Variants in MAF observed in about 807,000 individuals in gnomAD.
The protein encoded by MAF is transcription factor Maf.
MAF carries 10 observed loss-of-function variants against 22.0 expected under a neutral mutation model. The ratio of observed to expected loss-of-function variants is 0.45; its 90% CI spans 0.28 to 0.77. The LOEUF is 0.77. MAF is among the 30% of genes least tolerant of loss of function. The pLI, the probability that MAF is intolerant of heterozygous loss-of-function variation, is 0.12. For synonymous variants in MAF, 337 were observed against 255.8 expected, an observed-to-expected ratio of 1.32 and a Z score of -3.03; for missense variants, 544 against 548.4, an observed-to-expected ratio of 0.99 and a Z score of 0.08.
the MAF span, among the ~76,000 whole-genome samples, chr16:79,515,577 T>C: frequency 6.6e-6 from 1 of 152,340 alleles, no homozygotes; most frequent in Admixed American, 6.5e-5. Context: ...GTGAATTAAA[T>C]GCATTTTTGA....
At chr16:79,285,461 A>T in the MAF span, among the ~76,000 whole-genome samples, 2 of 152,034 alleles carry the variant, frequency 1.3e-5, no homozygotes, top group African/African-American at 4.8e-5. Flanking sequence ...AGTTTTTCCG[A>T]AAATTTGGTC....
At chr16:79,540,077 T>C in the MAF span, among the ~76,000 whole-genome samples, 3 of 151,928 alleles carry the variant, frequency 2.0e-5, no homozygotes, top group South Asian at 4.2e-4. Flanking sequence ...AGGGGAAGAA[T>C]TGAGACTGCA....
chr16:79,491,017 T>C, the MAF span, among the ~76,000 whole-genome samples: 2 of 151,864 alleles, frequency 1.3e-5, no homozygotes, highest in Admixed American at 1.3e-4. Context: ...TCAGAGAAAA[T>C]GGTGATGAGA....
At chr16:79,557,829 T>A in the MAF span, among the ~76,000 whole-genome samples, 1 of 151,966 alleles carries the variant, frequency 6.6e-6, no homozygotes, top group Non-Finnish European at 1.5e-5. Flanking sequence ...TGCATCCCAA[T>A]AAGTTGAGCA....
chr16:79,492,542 T>G, the MAF span, among the ~76,000 whole-genome samples: 2 of 151,764 alleles, frequency 1.3e-5, no homozygotes. Context: ...CCAACAGAAA[T>G]GCATAGATAA....
At chr16:79,527,432 C>T in the MAF span, among the ~76,000 whole-genome samples, 1 of 152,242 alleles carries the variant, frequency 6.6e-6, no homozygotes, top group East Asian at 1.9e-4. Flanking sequence ...TATTTTTCTT[C>T]CTGTGGGCCC....
chr16:79,225,711 G>C, the MAF span, among the ~76,000 whole-genome samples: 1 of 152,128 alleles, frequency 6.6e-6, no homozygotes, highest in African/African-American at 2.4e-5. Context: ...ATCAAAAAGT[G>C]GGCAAAGGAT....
the MAF span, among the ~76,000 whole-genome samples, chr16:79,323,259 G>T: frequency 4.0e-5 from 6 of 150,980 alleles, no homozygotes; most frequent in African/African-American, 1.2e-4. Context: ...CAACTGGAAG[G>T]GGGGATGACA....
the MAF span, among the ~76,000 whole-genome samples, chr16:79,507,169 A>T: frequency 6.9e-6 from 1 of 145,980 alleles, no homozygotes; most frequent in Non-Finnish European, 1.5e-5. Flanking sequence ...GCTGGAGTGC[A>T]GGGGCGTGAT....
the MAF span, among the ~76,000 whole-genome samples, chr16:79,330,778 G>A: frequency 1.6e-4 from 24 of 152,200 alleles, no homozygotes; most frequent in Non-Finnish European, 2.5e-4. Flanking sequence ...TGCCCTCCTC[G>A]GTGTATAAGT....
chr16:79,365,715 C>T, the MAF span, among the ~76,000 whole-genome samples: 1 of 152,112 alleles, frequency 6.6e-6, no homozygotes, highest in Non-Finnish European at 1.5e-5. Flanking sequence ...TTTTATGTCC[C>T]CCATCTTCAA....
the MAF span, among the ~76,000 whole-genome samples, chr16:79,561,118 A>G: frequency 1.3e-5 from 2 of 152,126 alleles, no homozygotes; most frequent in African/African-American, 4.8e-5. Flanking sequence ...TCCACATGTG[A>G]TGAAATCTTC....
the MAF span, among the ~76,000 whole-genome samples, chr16:79,260,211 T>C: frequency 6.6e-6 from 1 of 152,152 alleles, no homozygotes; most frequent in East Asian, 1.9e-4. Flanking sequence ...AGTGCAGTGG[T>C]GCAGTCGTGG....
chr16:79,212,375 A>G, the MAF span: 1 of 515,444 alleles, frequency 1.9e-6, no homozygotes, highest in Non-Finnish European at 3.3e-6. Flanking sequence ...TAGAATACGC[A>G]GAACTACCAG....
At chr16:79,323,583 C>A in the MAF span, among the ~76,000 whole-genome samples, 1 of 152,158 alleles carries the variant, frequency 6.6e-6, no homozygotes, top group East Asian at 1.9e-4. Flanking sequence ...TGGAAACGCA[C>A]ACGCTCCCAT....
At chr16:79,568,720 C>T in the MAF span, among the ~76,000 whole-genome samples, 1 of 152,140 alleles carries the variant, frequency 6.6e-6, no homozygotes. Context: ...GCTGCCTTTC[C>T]ACCTTTTAGT....
At chr16:79,299,255 A>G in the MAF span, among the ~76,000 whole-genome samples, 1 of 152,052 alleles carries the variant, frequency 6.6e-6, no homozygotes, top group African/African-American at 2.4e-5. Context: ...TCAGGATCCC[A>G]GGAACGCCTA....
chr16:79,313,481 T>C, the MAF span, among the ~76,000 whole-genome samples: 1 of 152,170 alleles, frequency 6.6e-6, no homozygotes, highest in Non-Finnish European at 1.5e-5. Context: ...AAAGCAGATC[T>C]GTAAAAACGG....
At chr16:79,355,885 C>T in the MAF span, among the ~76,000 whole-genome samples, 1 of 152,110 alleles carries the variant, frequency 6.6e-6, no homozygotes, top group African/African-American at 2.4e-5. Context: ...AGGCTCTTTC[C>T]AAATTGAACG....
Sources: gnomAD v4.1 joint callset for allele counts (sites outside exome capture counted in the v4.1 genomes callset) on GRCh38, gnomAD v4.1.1 for gene constraint, MANE v1.5 for transcripts, NCBI Gene and HGNC (gene_info 2026-07-23, HGNC 2026-07-21) for gene names.